The following SLC8A1 variants were observed in gnomAD, a reference collection of about 807,000 sequenced individuals.
The protein encoded by SLC8A1 is solute carrier family 8 member A1, also known as sodium/calcium exchanger 1.
In SLC8A1, 18 loss-of-function variants were observed where a neutral mutation model predicts 68.3. The observed-to-expected ratio is 0.26, with a 90% CI of 0.18 to 0.39. The LOEUF is 0.39. Ranked by LOEUF, SLC8A1 falls within the 10% of genes least tolerant of loss-of-function variation. The probability of loss-of-function intolerance (pLI) is 1.00; values close to 1 mark genes in which losing one functional copy is unlikely to be tolerated. For missense variants in SLC8A1, 985 were observed against 1,156.7 expected, an observed-to-expected ratio of 0.85 and a Z score of 2.15; for synonymous variants, 475 against 415.5, an observed-to-expected ratio of 1.14 and a Z score of -1.74.
At chr2:40,355,491 T>C (rs1368069931) in intron 2 of SLC8A1, among the ~76,000 whole-genome samples, 1 of 152,136 alleles carries the variant, frequency 6.6e-6, no homozygotes, top group Non-Finnish European at 1.5e-5. Flanking sequence ...ACAGCACTTC[T>C]ATCATGCCAA....
chr2:40,121,470 C>G (rs1445807719), intron 7 of SLC8A1, among the ~76,000 whole-genome samples: 3 of 152,130 alleles, frequency 2.0e-5, no homozygotes, highest in Non-Finnish European at 4.4e-5. Context: ...GTAGGCGTCA[C>G]GGAGATGCTG....
In SLC8A1 at chr2:40,364,257, T is replaced by C. The variant is rs568298425; in HGVS notation, c.1808+64216A>G. Among the ~76,000 whole-genome samples the C allele has an allele frequency of 2.6e-5, 4 of 152,176 alleles. No homozygotes were observed. In the South Asian group the frequency reaches 8.3e-4, roughly 32 times the overall value. Reference sequence around the variant, plus strand: ...GTATATGAATTAACTGATGGGAATATAGAGAAACAAAACAATTTAGAAGAA... The same window carrying C: ...GTATATGAATTAACTGATGGGAATACAGAGAAACAAAACAATTTAGAAGAA... On this transcript the variant is annotated intron_variant, in intron 2 of 7. Transcript: ENST00000406785.
chr2:40,206,315 C>A (rs549497182), intron 2 of SLC8A1, among the ~76,000 whole-genome samples: 2 of 151,994 alleles, frequency 1.3e-5, no homozygotes, highest in Non-Finnish European at 2.9e-5. Context: ...GTCACTTCAT[C>A]ATCTTGGAAC....
exon 8 of SLC8A1, chr2:40,103,198 A>G (rs891475620): frequency 2.6e-5 from 4 of 152,120 alleles, no homozygotes; most frequent in African/African-American, 9.7e-5. Context: ...CCACTAAAAC[A>G]TTCTTTGTTT....
intron 2 of SLC8A1, among the ~76,000 whole-genome samples, chr2:40,287,282 G>T (rs1240479228): frequency 6.6e-6 from 1 of 152,118 alleles, no homozygotes; most frequent in Non-Finnish European, 1.5e-5. Flanking sequence ...GCAAGTTTAG[G>T]TGTAGAATTC....
intron 4 of SLC8A1, among the ~76,000 whole-genome samples, chr2:40,168,077 A>G (rs2046849743): frequency 6.6e-6 from 1 of 152,162 alleles, no homozygotes; most frequent in African/African-American, 2.4e-5. Flanking sequence ...CATTGAGCAC[A>G]TCTCATTGTA....
intron 2 of SLC8A1, among the ~76,000 whole-genome samples, chr2:40,350,811 T>C (rs996134628): frequency 2.4e-4 from 36 of 152,048 alleles, no homozygotes; most frequent in African/African-American, 8.2e-4. Context: ...TGAGCCAGAA[T>C]GTGTAGTAGG....
chr2:40,452,856 A>C (rs1016518416), upstream of SLC8A1, among the ~76,000 whole-genome samples: 4 of 151,928 alleles, frequency 2.6e-5, no homozygotes, highest in Non-Finnish European at 4.4e-5. Flanking sequence ...AAAGACCCAG[A>C]GTCTGTTTCG....
At chr2:40,256,096 C>A (rs1326910415) in intron 2 of SLC8A1, among the ~76,000 whole-genome samples, 2 of 152,170 alleles carry the variant, frequency 1.3e-5, no homozygotes, top group Admixed American at 6.5e-5. Context: ...GAGACTGTGA[C>A]CTGGCAATAT....
At chr2:40,278,714 G>T (rs780168328) in intron 2 of SLC8A1, among the ~76,000 whole-genome samples, 2 of 151,924 alleles carry the variant, frequency 1.3e-5, no homozygotes, top group African/African-American at 2.4e-5. Flanking sequence ...GTGGACTTAG[G>T]ACAAGATGGC....
intron 2 of SLC8A1, among the ~76,000 whole-genome samples, chr2:40,416,549 G>A (rs568021600): frequency 6.6e-6 from 1 of 151,890 alleles, no homozygotes; most frequent in South Asian, 2.1e-4. Flanking sequence ...CTTTCTCTTA[G>A]GACAGCAAAC....
chr2:40,236,140 A>T (rs1457468647), intron 2 of SLC8A1, among the ~76,000 whole-genome samples: 1 of 151,998 alleles, frequency 6.6e-6, no homozygotes, highest in Non-Finnish European at 1.5e-5. Flanking sequence ...GCTGAGTTCA[A>T]TTCCTGGGTA....
intron 1 of SLC8A1, among the ~76,000 whole-genome samples, chr2:40,437,522 A>T (rs1699672113): frequency 6.6e-6 from 1 of 152,160 alleles, no homozygotes. Flanking sequence ...TCAGGAGAAA[A>T]GCAAATGAAG....
chr2:40,493,357 GA>G (rs1705455817), intron 1 of SLC8A1, among the ~76,000 whole-genome samples: 1 of 117,174 alleles, frequency 8.5e-6, no homozygotes, highest in African/African-American at 3.2e-5. Context: ...GGGTGGGGGG[GA>G]GGGGGGAGGG....
At chr2:40,320,054 G>GGTCAA (rs2075000121) in intron 2 of SLC8A1, among the ~76,000 whole-genome samples, 1 of 152,020 alleles carries the variant, frequency 6.6e-6, no homozygotes, top group Non-Finnish European at 1.5e-5. Flanking sequence ...CAATTTAAGA[G>GGTCAA]ATGGGACTCA....
rs571529646 is a variant in SLC8A1 at position 40,341,855 on chromosome 2, A to G, written c.1808+86618T>C. On this transcript the variant is annotated intron_variant, in intron 2 of 7. Coordinates refer to ENST00000406785, the Ensembl canonical transcript of SLC8A1. The stretch of plus-strand genomic sequence containing the variant: ...GCATGGACCATCAAGGAAGGACATT[A>G]ATTCTTGTACTTGAAGTAGATTTAC... 8.5e-5 allele frequency among the ~76,000 whole-genome samples: 13 copies of G among 152,294 alleles called. 1 individual carries two copies. In the South Asian group the frequency reaches 2.7e-3, roughly 32 times the overall value.
chr2:40,232,694 C>T (rs1574429033), intron 2 of SLC8A1, among the ~76,000 whole-genome samples: 1 of 136,126 alleles, frequency 7.3e-6, no homozygotes, highest in East Asian at 2.0e-4. Context: ...TGGTGTGCTG[C>T]ACCCACTAAC....
At chr2:40,267,769 C>A (rs1219324523) in intron 2 of SLC8A1, among the ~76,000 whole-genome samples, 1 of 152,096 alleles carries the variant, frequency 6.6e-6, no homozygotes, top group East Asian at 1.9e-4. Flanking sequence ...ATATTATTTT[C>A]CTGATATTAT....
intron 2 of SLC8A1, among the ~76,000 whole-genome samples, chr2:40,207,317 G>A (rs1219036545): frequency 2.0e-5 from 3 of 151,874 alleles, no homozygotes; most frequent in East Asian, 1.9e-4. Context: ...CATTATCCCC[G>A]AAGCAGTGTG....
Sources: gnomAD v4.1 joint callset for allele counts (sites outside exome capture counted in the v4.1 genomes callset) on GRCh38, gnomAD v4.1.1 for gene constraint, MANE v1.5 for transcripts, NCBI Gene and HGNC (gene_info 2026-07-23, HGNC 2026-07-21) for gene names.